CACNA1E: variants seen among roughly 807,000 people sequenced by gnomAD.
The protein encoded by CACNA1E is calcium voltage-gated channel subunit alpha1 E.
Under a neutral mutation model 259.2 loss-of-function variants are expected in CACNA1E, and 40 were observed. That is an observed-to-expected ratio of 0.15 (90% CI 0.12 to 0.20). CACNA1E has a LOEUF of 0.20. CACNA1E is among the 10% of genes least tolerant of loss of function. The probability of loss-of-function intolerance (pLI) is 1.00; values close to 1 mark genes in which losing one functional copy is unlikely to be tolerated. For missense variants in CACNA1E, 1,874 were observed against 3,040.1 expected (o/e 0.62, Z 9.02); for synonymous variants, 1,104 against 1,138.5 (o/e 0.97, Z 0.61).
chr1:181,577,729 A>G, intron 3 of CACNA1E, 37 bp from the exon 4 acceptor site: 1 of 1,410,360 alleles, frequency 7.1e-7, no homozygotes, highest in Non-Finnish European at 9.9e-7. Context: ...GGAAAACCAG[A>G]CTGGTAACCT....
At chr1:181,600,502 G>A (rs1653635397) in intron 6 of CACNA1E, among the ~76,000 whole-genome samples, 1 of 152,204 alleles carries the variant, frequency 6.6e-6, no homozygotes. Flanking sequence ...TGCTGGTGGG[G>A]CTGAGCAGTG....
At chr1:181,457,543 C>G (rs1661538460) in intron 2 of CACNA1E, among the ~76,000 whole-genome samples, 1 of 152,198 alleles carries the variant, frequency 6.6e-6, no homozygotes, top group Non-Finnish European at 1.5e-5. Flanking sequence ...TATGACTGGT[C>G]TTACTTGGTG....
At chr1:181,489,975 C>T (rs1007071180) in intron 1 of CACNA1E, among the ~76,000 whole-genome samples, 1 of 152,214 alleles carries the variant, frequency 6.6e-6, no homozygotes, top group African/African-American at 2.4e-5. Context: ...ACCCATCAGT[C>T]ATGTTTCCAG....
At chr1:181,722,989 A>G (rs1235489114) in intron 16 of CACNA1E, among the ~76,000 whole-genome samples, 1 of 152,214 alleles carries the variant, frequency 6.6e-6, no homozygotes, top group Non-Finnish European at 1.5e-5. Flanking sequence ...CTTTGATGCT[A>G]GAACAGTTCT....
At chr1:181,694,335 T>C (rs1282194181) in intron 7 of CACNA1E, among the ~76,000 whole-genome samples, 2 of 152,188 alleles carry the variant, frequency 1.3e-5, no homozygotes, top group Non-Finnish European at 2.9e-5. Context: ...AAATTAATAA[T>C]AGAAAAGAAC....
In CACNA1E at chr1:181,752,428, T is replaced by C. The variant is rs148610435; in HGVS notation, c.3828+189T>C. On this transcript the variant is annotated intron_variant, in intron 27 of 47. Coordinates refer to ENST00000367573, the MANE Select transcript of CACNA1E (RefSeq NM_001205293.3). ...GGAAAATAACCAACATCCCAAGAAATCTATAAGAAAGCTTTTTCTTTTAAG... is the reference window on the plus strand; with the variant it reads ...GGAAAATAACCAACATCCCAAGAAACCTATAAGAAAGCTTTTTCTTTTAAG... 6.6e-5 allele frequency among the ~76,000 whole-genome samples: 10 copies of C among 152,298 alleles called. No individual in the cohort carries two copies. The East Asian group carries it at 1.9e-3, about 29-fold the overall frequency.
intron 6 of CACNA1E, among the ~76,000 whole-genome samples, chr1:181,602,505 A>G (rs1042446375): frequency 1.5e-4 from 23 of 152,134 alleles, no homozygotes; most frequent in South Asian, 6.2e-4. Flanking sequence ...CAGATTTCAG[A>G]TTTTTGGATT....
chr1:181,703,789 A>G (rs1336311611), intron 7 of CACNA1E, among the ~76,000 whole-genome samples: 2 of 149,526 alleles, frequency 1.3e-5, no homozygotes, highest in African/African-American at 2.4e-5. Context: ...TCTATGCCTT[A>G]GTTTCCCTGC....
chr1:181,717,654 CAGA>C (rs1654030263), intron 11 of CACNA1E, among the ~76,000 whole-genome samples: 1 of 151,996 alleles, frequency 6.6e-6, no homozygotes. Flanking sequence ...TCAAATAGAC[CAGA>C]AGAAGAGCTT....
At chr1:181,469,047 T>A (rs921282464) in intron 2 of CACNA1E, among the ~76,000 whole-genome samples, 1 of 152,124 alleles carries the variant, frequency 6.6e-6, no homozygotes. Flanking sequence ...CAACAAAAAA[T>A]TTATTAAAAT....
Position 181,807,426 on chromosome 1 carries a change from T to C in CACNA1E, c.*8592T>C, listed in dbSNP as rs750162249. On this transcript the variant is annotated 3_prime_UTR_variant, in exon 48 of 48. Coordinates refer to ENST00000367573, the MANE Select transcript of CACNA1E (RefSeq NM_001205293.3). ...GATTCCCAAGACTCTTAGGAGATAC[T>C]GTCCATTCTTCCTCCTGTCCACATC... The C allele has an allele frequency of 6.6e-6, 1 of 152,082 alleles. No individual in the cohort carries two copies. Among genetic ancestry groups the C allele is most frequent in the Non-Finnish European group, 1.5e-5 (1 of 68,062 alleles). The allele number at this position is 152,082 out of a possible 1,614,324, so 9.4% of individuals were successfully genotyped here.
intron 7 of CACNA1E, among the ~76,000 whole-genome samples, chr1:181,690,073 T>G (rs536226663): frequency 1.3e-5 from 2 of 152,206 alleles, no homozygotes; most frequent in Non-Finnish European, 2.9e-5. Flanking sequence ...TGAATGGTAT[T>G]GCCCAGGTTT....
intron 6 of CACNA1E, among the ~76,000 whole-genome samples, chr1:181,618,143 T>C (rs1655399018): frequency 6.6e-6 from 1 of 152,176 alleles, no homozygotes; most frequent in African/African-American, 2.4e-5. Context: ...TCTGTATTTG[T>C]ATGAATATGT....
chr1:181,703,716 G>A (rs960896047), intron 7 of CACNA1E, among the ~76,000 whole-genome samples: 2 of 152,156 alleles, frequency 1.3e-5, no homozygotes, highest in East Asian at 1.9e-4. Flanking sequence ...GCTTTGGAAC[G>A]TGATGCTCTA....
At chr1:181,590,126 G>A (rs985310339) in intron 6 of CACNA1E, among the ~76,000 whole-genome samples, 2 of 152,098 alleles carry the variant, frequency 1.3e-5, no homozygotes, top group Non-Finnish European at 2.9e-5. Flanking sequence ...TGGCCACAGC[G>A]AAGCTTCAGC....
Position 181,622,844 on chromosome 1 carries a change from A to G in CACNA1E, c.952-28494A>G, listed in dbSNP as rs192636690. 1.3e-3 allele frequency among the ~76,000 whole-genome samples: 194 copies of G among 152,296 alleles called. 1 individual carries two copies. The East Asian group carries it at 0.026, about 20-fold the overall frequency. On this transcript the variant is annotated intron_variant, in intron 6 of 47. Coordinates refer to ENST00000367573, the MANE Select transcript of CACNA1E (RefSeq NM_001205293.3). ...TGGAAGTCTATTTGAGCCTGGATCCAGAAGATGCAAGGGAGAGATCTGAAG... is the reference window on the plus strand; with the variant it reads ...TGGAAGTCTATTTGAGCCTGGATCCGGAAGATGCAAGGGAGAGATCTGAAG...
At chr1:181,749,070 G>A (rs567724231) in intron 25 of CACNA1E, among the ~76,000 whole-genome samples, 35 of 152,176 alleles carry the variant, frequency 2.3e-4, no homozygotes, top group African/African-American at 8.4e-4. Context: ...GATTCATTTG[G>A]CATTTATAGT....
At chr1:181,612,025 G>A (rs184013802) in intron 6 of CACNA1E, among the ~76,000 whole-genome samples, 128 of 152,346 alleles carry the variant, frequency 8.4e-4, no homozygotes, top group Admixed American at 2.9e-3. Flanking sequence ...CCTAAGAGCA[G>A]AGACTGTCAA....
Position 181,717,996 on chromosome 1 carries a change from G to C in CACNA1E, c.1526-59G>C, listed in dbSNP as rs1654062367. The stretch of plus-strand genomic sequence containing the variant: ...TCCTCTGTAGGTGGGTGTGTTAGCT[G>C]AGAAGTGCATGAGCCCACCCCACAT... On this transcript the variant is annotated intron_variant, in intron 11 of 47. Transcript: ENST00000367573. The C allele has an allele frequency of 1.8e-5, 14 of 797,330 alleles. 1 individual carries two copies. The South Asian group carries it at 2.0e-4, about 11-fold the overall frequency. 49.4% of individuals were successfully genotyped at this position (797,330 alleles called of 1,614,324 possible).
Sources: allele counts gnomAD v4.1 joint callset (sites outside exome capture counted in the v4.1 genomes callset), GRCh38; gene constraint gnomAD v4.1.1; transcripts MANE v1.5; gene names NCBI Gene and HGNC (gene_info 2026-07-23, HGNC 2026-07-21).